The following KPNB1 variants were observed in gnomAD, a reference collection of about 807,000 sequenced individuals.
KPNB1 encodes importin subunit beta-1.
KPNB1 carries 7 observed loss-of-function variants against 113.0 expected under a neutral mutation model. The observed-to-expected ratio is 0.06, with a 90% CI of 0.04 to 0.12. KPNB1 has a LOEUF of 0.12. Among genes scored for constraint, KPNB1 ranks in the 10% least tolerant of loss-of-function variants. KPNB1 has a pLI of 1.00. For synonymous variants in KPNB1, 363 were observed against 378.6 expected (o/e 0.96, Z 0.48); for missense variants, 400 against 1,054.8 (o/e 0.38, Z 8.60).
chr17:47,651,435 C>T (rs1915566407), intron 2 of KPNB1: 4 of 734,956 alleles, frequency 5.4e-6, no homozygotes, highest in African/African-American at 1.9e-5. Flanking sequence ...GTTATATAGG[C>T]AAAATGTCAA....
intron 4 of KPNB1, among the ~76,000 whole-genome samples, chr17:47,657,879 C>A (rs1265189180): frequency 6.6e-6 from 1 of 152,178 alleles, no homozygotes; most frequent in East Asian, 1.9e-4. Context: ...GGGGAAAGAT[C>A]ACCAATTCAT....
intron 3 of KPNB1, among the ~76,000 whole-genome samples, chr17:47,655,406 T>C (rs1293859987): frequency 6.6e-6 from 1 of 152,232 alleles, no homozygotes; most frequent in African/African-American, 2.4e-5. Flanking sequence ...AGTTCTTTGA[T>C]TCTTGGGCAA....
At chr17:47,653,214 G>A (rs1480472308) in intron 3 of KPNB1, among the ~76,000 whole-genome samples, 1 of 151,006 alleles carries the variant, frequency 6.6e-6, no homozygotes, top group Non-Finnish European at 1.5e-5. Context: ...TTGTTAATAG[G>A]TATTTCCAAG....
intron 19 of KPNB1, among the ~76,000 whole-genome samples, chr17:47,679,521 CTT>C (rs2030708852): frequency 6.6e-6 from 1 of 152,124 alleles, no homozygotes; most frequent in South Asian, 2.1e-4. Context: ...ATATTTGTCT[CTT>C]CTGTCGACTT....
At chr17:47,652,627 A>G in intron 2 of KPNB1, 67 bp from the exon 3 acceptor site, 5 of 1,349,734 alleles carry the variant, frequency 3.7e-6, no homozygotes, top group Middle Eastern at 2.5e-4. Context: ...TCAGTGCTCT[A>G]TAAATTATCC....
chr17:47,676,192 G>T (rs974740631), intron 15 of KPNB1, among the ~76,000 whole-genome samples: 40 of 152,162 alleles, frequency 2.6e-4, no homozygotes, highest in Non-Finnish European at 5.0e-4. Flanking sequence ...AGTGGGCATT[G>T]TCTCTGTGGC....
Position 47,674,494 on chromosome 17 carries a change from C to CA in KPNB1, c.1768-142dup, listed in dbSNP as rs1430123636. 1.1e-5 allele frequency: 8 copies of CA among 728,984 alleles called. No individual in the cohort carries two copies. The East Asian group carries it at 1.8e-4, about 17-fold the overall frequency. The allele number at this position is 728,984 out of a possible 1,614,324, so 45.2% of individuals were successfully genotyped here. On this transcript the variant is annotated intron_variant, in intron 14 of 21. Transcript: ENST00000290158. ...ATGTATTGCTGATGATTGGTACTGT[C>CA]AATGTTTTTGTGTATAAAATACATT...
At position 47,661,194 on chromosome 17, in the gene KPNB1, T is replaced by C. The variant is rs547572262; in HGVS notation, c.696+16T>C. The C allele has an allele frequency of 6.3e-6, 10 of 1,599,414 alleles. No homozygotes were observed. The Admixed American group carries it at 1.3e-4, about 21-fold the overall frequency. ...AGATACGAGGGTAAGTGTGAGGTTA[T>C]ATGAAAAATCTGTCTTACATCTTTC... On this transcript the variant is annotated intron_variant, in intron 6 of 21. Coordinates refer to ENST00000290158, the MANE Select transcript of KPNB1 (RefSeq NM_002265.6).
intron 21 of KPNB1, 81 bp downstream of exon 21, chr17:47,680,750 C>T: frequency 7.3e-7 from 1 of 1,379,072 alleles, no homozygotes. Context: ...TTCTGGCAAG[C>T]ACTGCCTTCT....
intron 14 of KPNB1, among the ~76,000 whole-genome samples, chr17:47,674,156 T>C (rs1011137659): frequency 6.6e-6 from 1 of 151,916 alleles, no homozygotes; most frequent in African/African-American, 2.4e-5. Context: ...AACAAACGAG[T>C]GAGGAAGGAA....
intron 3 of KPNB1, among the ~76,000 whole-genome samples, chr17:47,654,883 C>T (rs1297903812): frequency 6.6e-6 from 1 of 152,152 alleles, no homozygotes; most frequent in African/African-American, 2.4e-5. Flanking sequence ...GTTTTTCCCC[C>T]TCATTCCCTC....
intron 9 of KPNB1, among the ~76,000 whole-genome samples, chr17:47,667,286 C>T (rs34200664): frequency 0.38 from 58,005 of 151,674 alleles, 11,838 homozygotes; most frequent in South Asian, 0.46. Flanking sequence ...GCCACTATAC[C>T]CAGCTAGTCT....
intron 14 of KPNB1, among the ~76,000 whole-genome samples, chr17:47,674,417 C>T (rs1189690448): frequency 6.6e-6 from 1 of 152,110 alleles, no homozygotes; most frequent in Non-Finnish European, 1.5e-5. Flanking sequence ...TTCTGCACAA[C>T]GGAGGATCAG....
At chr17:47,652,948 T>A in intron 3 of KPNB1, 72 bp downstream of exon 3, 1 of 1,184,534 alleles carries the variant, frequency 8.4e-7, no homozygotes, top group Non-Finnish European at 1.2e-6. Flanking sequence ...CTTTTGCTAT[T>A]TGCATGGGAT....
intron 2 of KPNB1, chr17:47,651,271 G>C (rs1254106216): frequency 3.0e-6 from 3 of 985,210 alleles, no homozygotes; most frequent in Non-Finnish European, 3.6e-6. Context: ...GGATGGATTG[G>C]TTGAAACAGC....
Position 47,650,157 on chromosome 17 carries a change from A to G in KPNB1, c.-88A>G. On this transcript the variant is annotated 5_prime_UTR_variant, in exon 1 of 22. Coordinates refer to ENST00000290158, the MANE Select transcript of KPNB1 (RefSeq NM_002265.6). Reference sequence around the variant, plus strand: ...CCACCCCACCCTCCCTTCCCACCCGACCCCCAACCCCCATCCCCAGTTCGA... The same window carrying G: ...CCACCCCACCCTCCCTTCCCACCCGGCCCCCAACCCCCATCCCCAGTTCGA... The G allele has an allele frequency of 2.6e-6, 1 of 384,718 alleles. No individual in the cohort carries two copies. The highest frequency in any genetic ancestry group is 3.1e-6 in the Non-Finnish European group (1 of 326,986). 23.8% of individuals were successfully genotyped at this position (384,718 alleles called of 1,614,324 possible). A position where few individuals can be genotyped will look rare whatever the true frequency, so the allele number is the denominator to read the frequency against.
At chr17:47,667,174 G>C (rs982960367) in intron 9 of KPNB1, among the ~76,000 whole-genome samples, 2 of 152,116 alleles carry the variant, frequency 1.3e-5, no homozygotes, top group Non-Finnish European at 2.9e-5. Context: ...CACCCAGGCT[G>C]GAGTGCAGTG....
At chr17:47,666,275 A>T (rs980245295) in intron 9 of KPNB1, among the ~76,000 whole-genome samples, 2 of 150,230 alleles carry the variant, frequency 1.3e-5, no homozygotes, top group African/African-American at 2.4e-5. Context: ...CTGGTCTCGA[A>T]CTCCTGACTT....
chr17:47,673,699 CTG>C (rs1351968384), intron 14 of KPNB1, 138 bp downstream of exon 14: 1 of 684,650 alleles, frequency 1.5e-6, no homozygotes, highest in African/African-American at 1.8e-5. Context: ...AGGCTTTGGT[CTG>C]TGATTGGTTG....
Sources: gnomAD v4.1 joint callset for allele counts (sites outside exome capture counted in the v4.1 genomes callset) on GRCh38, gnomAD v4.1.1 for gene constraint, MANE v1.5 for transcripts, NCBI Gene and HGNC (gene_info 2026-07-23, HGNC 2026-07-21) for gene names.